FAM135B: variants seen among roughly 807,000 people sequenced by gnomAD.
FAM135B encodes the protein protein FAM135B.
In FAM135B, 43 loss-of-function variants were observed where a neutral mutation model predicts 127.7. That is an observed-to-expected ratio of 0.34 (90% CI 0.26 to 0.43). The LOEUF (loss-of-function observed/expected upper bound fraction) is 0.43. Among genes scored for constraint, FAM135B ranks in the 20% least tolerant of loss-of-function variants. The probability of loss-of-function intolerance (pLI) is 1.00; values close to 1 mark genes in which losing one functional copy is unlikely to be tolerated. For missense variants in FAM135B, 1,558 were observed against 1,725.6 expected (o/e 0.90, Z 1.72); for synonymous variants, 670 against 665.1 (o/e 1.01, Z -0.11).
At chr8:138,317,302 C>T (rs1432224554) in intron 2 of FAM135B, among the ~76,000 whole-genome samples, 1 of 152,004 alleles carries the variant, frequency 6.6e-6, no homozygotes, top group Non-Finnish European at 1.5e-5. Flanking sequence ...TTTAAAGTTG[C>T]AAAATTATGA....
chr8:138,347,960 G>A (rs748328207), intron 2 of FAM135B, among the ~76,000 whole-genome samples: 34 of 151,914 alleles, frequency 2.2e-4, no homozygotes, highest in Non-Finnish European at 4.0e-4. Flanking sequence ...AGAGTACCAA[G>A]CTCACAGTAA....
At chr8:138,236,660 G>A (rs539102186) in intron 7 of FAM135B, among the ~76,000 whole-genome samples, 1 of 152,280 alleles carries the variant, frequency 6.6e-6, no homozygotes, top group South Asian at 2.1e-4. Flanking sequence ...GTATGAAAGG[G>A]CCATTCTGTG....
At chr8:138,362,168 A>T (rs1830459052) in intron 2 of FAM135B, among the ~76,000 whole-genome samples, 1 of 151,796 alleles carries the variant, frequency 6.6e-6, no homozygotes, top group South Asian at 2.1e-4. Flanking sequence ...ATGTATAATT[A>T]TTATTGACTA....
intron 1 of FAM135B, among the ~76,000 whole-genome samples, chr8:138,466,816 C>G (rs79290733): frequency 6.6e-6 from 1 of 152,110 alleles, no homozygotes. Context: ...TCAACCTCAG[C>G]GGTTAAAAGG....
At chr8:138,439,511 C>T (rs986562008) in intron 1 of FAM135B, 1 of 152,128 alleles carries the variant, frequency 6.6e-6, no homozygotes, top group African/African-American at 2.4e-5. Context: ...CAGAGGAGGA[C>T]ATTTCCTAGG....
intron 9 of FAM135B, among the ~76,000 whole-genome samples, chr8:138,191,891 C>G (rs1243962725): frequency 6.6e-6 from 1 of 152,158 alleles, no homozygotes; most frequent in Non-Finnish European, 1.5e-5. Context: ...TCTGCATTTA[C>G]TGCACAGGGC....
At chr8:138,446,237 A>T (rs1444938842) in intron 1 of FAM135B, among the ~76,000 whole-genome samples, 2 of 152,202 alleles carry the variant, frequency 1.3e-5, no homozygotes, top group African/African-American at 4.8e-5. Flanking sequence ...GCCCAAGGTA[A>T]TTTATAGATT....
At chr8:138,232,093 G>A (rs1361286188) in intron 7 of FAM135B, among the ~76,000 whole-genome samples, 1 of 152,222 alleles carries the variant, frequency 6.6e-6, no homozygotes, top group Non-Finnish European at 1.5e-5. Context: ...GTTAATCCAT[G>A]GGAAAACCCA....
intron 1 of FAM135B, among the ~76,000 whole-genome samples, chr8:138,466,853 A>G (rs904767182): frequency 6.6e-6 from 1 of 152,204 alleles, no homozygotes; most frequent in Non-Finnish European, 1.5e-5. Context: ...CTGAATAAGT[A>G]TAGTGCAGCA....
rs1005703658 is a variant in FAM135B at position 138,265,739 on chromosome 8, C to T, written c.261G>A (p.Val87=). The T allele has an allele frequency of 1.1e-5, 18 of 1,613,882 alleles. No homozygotes were observed. Among genetic ancestry groups the T allele is most frequent in the Non-Finnish European group, 1.4e-5 (17 of 1,179,984 alleles). The change falls in exon 4 of 20, where the codon GTG becomes GTA. Residue 87 remains valine, a synonymous_variant. Coordinates refer to ENST00000395297, the MANE Select transcript of FAM135B (RefSeq NM_015912.4). ...RNEEVPINDA[V]VFRVHLLLGG... Reference sequence around the variant, plus strand: ...CCAAGAGTAAATGAACTCGGAAGACCACAGCATCATTTATGGGTACCTCTT... The same window carrying T: ...CCAAGAGTAAATGAACTCGGAAGACTACAGCATCATTTATGGGTACCTCTT...
intron 1 of FAM135B, among the ~76,000 whole-genome samples, chr8:138,443,353 C>G (rs1009634880): frequency 3.3e-5 from 5 of 152,088 alleles, no homozygotes; most frequent in Admixed American, 1.3e-4. Flanking sequence ...CAAAGACATT[C>G]TCCAAAAAGG....
At chr8:138,167,343 C>T (rs1304369061) in intron 12 of FAM135B, among the ~76,000 whole-genome samples, 1 of 152,010 alleles carries the variant, frequency 6.6e-6, no homozygotes, top group African/African-American at 2.4e-5. Context: ...TTACAGGTGT[C>T]CGCCACCACG....
At chr8:138,325,346 AG>A (rs1563899918) in intron 2 of FAM135B, among the ~76,000 whole-genome samples, 1 of 152,206 alleles carries the variant, frequency 6.6e-6, no homozygotes, top group Non-Finnish European at 1.5e-5. Flanking sequence ...GAGTATTTAT[AG>A]CATGCAAATG....
intron 3 of FAM135B, among the ~76,000 whole-genome samples, chr8:138,285,082 T>C (rs183023409): frequency 4.0e-5 from 6 of 151,324 alleles, no homozygotes; most frequent in Non-Finnish European, 5.9e-5. Flanking sequence ...AAGTATTCAC[T>C]TGATGAAATG....
chr8:138,461,160 T>C (rs1431750140), intron 1 of FAM135B, among the ~76,000 whole-genome samples: 1 of 152,188 alleles, frequency 6.6e-6, no homozygotes, highest in African/African-American at 2.4e-5. Flanking sequence ...AAGCCACTAT[T>C]AGTCATGGAT....
chr8:138,209,004 CTGTT>C (rs1478135483), intron 7 of FAM135B, among the ~76,000 whole-genome samples: 1 of 152,096 alleles, frequency 6.6e-6, no homozygotes, highest in Non-Finnish European at 1.5e-5. Context: ...TGTTATTAAT[CTGTT>C]TGACTTTAGA....
chr8:138,322,274 G>A (rs987197737), intron 2 of FAM135B, among the ~76,000 whole-genome samples: 1 of 152,142 alleles, frequency 6.6e-6, no homozygotes, highest in South Asian at 2.1e-4. Flanking sequence ...CAGCTCCTCT[G>A]CCCCACACCT....
chr8:138,290,109 G>A (rs1279587423), intron 3 of FAM135B, among the ~76,000 whole-genome samples: 1 of 152,172 alleles, frequency 6.6e-6, no homozygotes, highest in East Asian at 1.9e-4. Context: ...AGCTTTGCAT[G>A]GGGGGTCCAC....
intron 12 of FAM135B, among the ~76,000 whole-genome samples, chr8:138,157,915 C>G (rs1191496638): frequency 1.3e-5 from 2 of 152,160 alleles, no homozygotes; most frequent in Non-Finnish European, 2.9e-5. Context: ...ATCAAGCTAC[C>G]AATGACTTTC....
Sources: allele counts gnomAD v4.1 joint callset (sites outside exome capture counted in the v4.1 genomes callset), GRCh38; gene constraint gnomAD v4.1.1; transcripts MANE v1.5; gene names NCBI Gene and HGNC (gene_info 2026-07-23, HGNC 2026-07-21).